Variants in EEFSEC observed in about 807,000 individuals in gnomAD.
EEFSEC encodes the protein eukaryotic elongation factor, selenocysteine-tRNA specific.
In EEFSEC, 43 loss-of-function variants were observed where a neutral mutation model predicts 42.1. The ratio of observed to expected loss-of-function variants is 1.02; its 90% CI spans 0.80 to 1.32. The LOEUF is 1.32. Among genes scored for constraint, EEFSEC ranks in the 40% most tolerant of loss-of-function variants. EEFSEC has a pLI of 0.00. For missense variants in EEFSEC, 745 were observed against 803.6 expected (o/e 0.93, Z 0.88); for synonymous variants, 354 against 339.1 (o/e 1.04, Z -0.48).
chr3:128,224,817 T>G (rs550718113), intron 1 of EEFSEC, among the ~76,000 whole-genome samples: 1 of 152,240 alleles, frequency 6.6e-6, no homozygotes, highest in Non-Finnish European at 1.5e-5. Flanking sequence ...TCTTCAAATA[T>G]GGTTCCCTAC....
At chr3:128,240,196 G>T (rs1263941018) in intron 1 of EEFSEC, among the ~76,000 whole-genome samples, 1 of 152,176 alleles carries the variant, frequency 6.6e-6, no homozygotes, top group Non-Finnish European at 1.5e-5. Flanking sequence ...GTTTGCCTGG[G>T]GTCTGCCTGG....
chr3:128,339,650 C>T (rs2067228469), intron 4 of EEFSEC, among the ~76,000 whole-genome samples: 1 of 152,212 alleles, frequency 6.6e-6, no homozygotes, highest in Admixed American at 6.5e-5. Context: ...TACTCCTTTG[C>T]CTAAACTCCT....
chr3:128,166,211 G>A (rs1005687315), intron 1 of EEFSEC, among the ~76,000 whole-genome samples: 6 of 152,174 alleles, frequency 3.9e-5, no homozygotes, highest in Non-Finnish European at 5.9e-5. Context: ...CAGCACAGCC[G>A]TGTTTCCCAT....
chr3:128,358,263 AAACC>A lies in EEFSEC; in HGVS notation c.1494_1497del (p.Asn499SerfsTer45). ...ATCGGCCGCTCCCTGTTCAAAAAGG[AAACC>A]AACATCCAGCTCTTCGTGGGGCTCA... On this transcript the variant is annotated frameshift_variant, in exon 6 of 7. Coordinates refer to ENST00000254730, the MANE Select transcript of EEFSEC (RefSeq NM_021937.5). LOFTEE classifies it high-confidence loss of function. The A allele has an allele frequency of 6.2e-7, 1 of 1,614,192 alleles. No homozygotes were observed. Among genetic ancestry groups the A allele is most frequent in the Non-Finnish European group, 8.5e-7 (1 of 1,180,018 alleles).
At chr3:128,157,525 T>C (rs540297463) in intron 1 of EEFSEC, among the ~76,000 whole-genome samples, 33 of 152,344 alleles carry the variant, frequency 2.2e-4, no homozygotes, top group African/African-American at 7.9e-4. Context: ...TAGGGGCTAA[T>C]GCAGCTGAAG....
intron 1 of EEFSEC, among the ~76,000 whole-genome samples, chr3:128,230,010 C>A (rs536938001): frequency 6.6e-6 from 1 of 151,488 alleles, no homozygotes. Flanking sequence ...TTTTTTCTTT[C>A]TTTATCTCTC....
intron 1 of EEFSEC, among the ~76,000 whole-genome samples, chr3:128,170,759 T>C (rs1410280776): frequency 6.6e-6 from 1 of 152,212 alleles, no homozygotes; most frequent in Non-Finnish European, 1.5e-5. Context: ...AGGTACTACT[T>C]AGTCATTTTT....
chr3:128,341,843 GGCTGAAGGTGTACAA>G lies in EEFSEC; in HGVS notation c.1405_1419del (p.Val469_Lys473del). ...AACTACGCCGACAGCTTCCTGCCCAGGCTGAAGGTGTACAAGCTGAAGCACAAGCATGGCCTTGTG... is the reference window on the plus strand; with the variant it reads ...AACTACGCCGACAGCTTCCTGCCCAGGCTGAAGCACAAGCATGGCCTTGTG... On this transcript the variant is annotated inframe_deletion, in exon 5 of 7. Transcript: ENST00000254730. The G allele has an allele frequency of 6.2e-7, 1 of 1,613,924 alleles. No homozygotes were observed. Among genetic ancestry groups the G allele is most frequent in the Non-Finnish European group, 8.5e-7 (1 of 1,180,040 alleles).
intron 4 of EEFSEC, among the ~76,000 whole-genome samples, chr3:128,335,878 A>G (rs2067184577): frequency 6.6e-6 from 1 of 152,212 alleles, no homozygotes; most frequent in Admixed American, 6.5e-5. Flanking sequence ...CTACAAGAGG[A>G]CAAGGAGAGT....
chr3:128,411,863 A>ATGCATG (rs559992940), downstream of EEFSEC, among the ~76,000 whole-genome samples: 33 of 152,326 alleles, frequency 2.2e-4, 1 homozygote, highest in South Asian at 4.8e-3. Flanking sequence ...TGCCCTGGCC[A>ATGCATG]TGCATGTGCA....
rs146234809 is a variant in EEFSEC at position 128,361,032 on chromosome 3, C to T, written c.1600+2659C>T. Among the ~76,000 whole-genome samples the T allele has an allele frequency of 1.6e-4, 24 of 152,246 alleles. 1 individual carries two copies. The highest frequency in any genetic ancestry group is 4.6e-4 in the African/African-American group (19 of 41,540). ...GGGAGAGAGAGTGCATTGCTAGCTG[C>T]AGCCTGGACATGCAGGGTGGGGAAG... On this transcript the variant is annotated intron_variant, in intron 6 of 6. Coordinates refer to ENST00000254730, the MANE Select transcript of EEFSEC (RefSeq NM_021937.5).
chr3:128,316,731 G>A (rs1041978797), intron 4 of EEFSEC, among the ~76,000 whole-genome samples: 2 of 152,154 alleles, frequency 1.3e-5, no homozygotes, highest in African/African-American at 2.4e-5. Context: ...TGGGGTTACC[G>A]CCCAGCTCGG....
At chr3:128,269,277 G>A (rs1057233800) in intron 4 of EEFSEC, among the ~76,000 whole-genome samples, 2 of 152,286 alleles carry the variant, frequency 1.3e-5, no homozygotes, top group Admixed American at 1.3e-4. Flanking sequence ...TGGGCTGGTA[G>A]TGGTGCCTCT....
intron 1 of EEFSEC, among the ~76,000 whole-genome samples, chr3:128,195,745 G>C (rs1360766802): frequency 2.0e-5 from 3 of 152,206 alleles, no homozygotes; most frequent in Non-Finnish European, 4.4e-5. Context: ...TTGGGGCTTG[G>C]GCTTGAGGTC....
chr3:128,309,326 C>A (rs1241735872), intron 4 of EEFSEC, among the ~76,000 whole-genome samples: 3 of 151,864 alleles, frequency 2.0e-5, no homozygotes, highest in Admixed American at 6.6e-5. Flanking sequence ...GGCCAGCTGG[C>A]GTTTGGAGTT....
intron 1 of EEFSEC, among the ~76,000 whole-genome samples, chr3:128,200,969 G>A (rs886071689): frequency 6.6e-6 from 1 of 152,172 alleles, no homozygotes; most frequent in Admixed American, 6.5e-5. Flanking sequence ...TTAACTGCTG[G>A]TGATCTGTGC....
intron 1 of EEFSEC, among the ~76,000 whole-genome samples, chr3:128,160,629 C>T (rs1331929914): frequency 6.6e-6 from 1 of 152,174 alleles, no homozygotes; most frequent in East Asian, 1.9e-4. Context: ...CCTGGGAGAT[C>T]GGGCTCTTGT....
intron 4 of EEFSEC, among the ~76,000 whole-genome samples, chr3:128,305,125 A>T (rs1015158600): frequency 6.6e-6 from 1 of 152,126 alleles, no homozygotes; most frequent in African/African-American, 2.4e-5. Context: ...TTATTTTTTT[A>T]AATCAAGGAT....
chr3:128,372,655 T>A (rs181261958), intron 6 of EEFSEC, among the ~76,000 whole-genome samples: 22 of 152,364 alleles, frequency 1.4e-4, no homozygotes, highest in Admixed American at 2.6e-4. Flanking sequence ...CCAGACTACC[T>A]GACATGCTTT....
Sources: allele counts gnomAD v4.1 joint callset (sites outside exome capture counted in the v4.1 genomes callset), GRCh38; gene constraint gnomAD v4.1.1; transcripts MANE v1.5; gene names NCBI Gene and HGNC (gene_info 2026-07-23, HGNC 2026-07-21).